MEGF11: variants seen among roughly 807,000 people sequenced by gnomAD.
MEGF11 encodes the protein multiple EGF like domains 11, also known as multiple epidermal growth factor-like domains protein 11.
A neutral mutation model predicts 146.6 loss-of-function variants in MEGF11; 126 were observed. The observed-to-expected ratio is 0.86, with a 90% CI of 0.74 to 1.00. The LOEUF is 1.00. Among genes scored for constraint, MEGF11 ranks in the 50% least tolerant of loss-of-function variants. MEGF11 has a pLI of 0.00. For synonymous variants in MEGF11, 532 were observed against 583.4 expected (o/e 0.91, Z 1.27); for missense variants, 1,509 against 1,521.2 (o/e 0.99, Z 0.13).
chr15:66,006,034 T>C (rs2082509908), intron 5 of MEGF11, among the ~76,000 whole-genome samples: 2 of 152,244 alleles, frequency 1.3e-5, no homozygotes, highest in Non-Finnish European at 2.9e-5. Context: ...CCAGAGGCGC[T>C]GTACGATGTT....
At chr15:65,909,694 T>A (rs994099295) in intron 22 of MEGF11, 46 bp downstream of exon 22, 5 of 1,503,410 alleles carry the variant, frequency 3.3e-6, no homozygotes, top group Non-Finnish European at 4.5e-6. Flanking sequence ...GGAAGAAGAA[T>A]AGGGTGGGAC....
At chr15:66,066,030 T>G (rs2085109577) in intron 5 of MEGF11, among the ~76,000 whole-genome samples, 1 of 152,120 alleles carries the variant, frequency 6.6e-6, no homozygotes, top group South Asian at 2.1e-4. Context: ...TTCATCCATC[T>G]CCCAGTTCAT....
chr15:66,210,786 G>A (rs1459633400), intron 1 of MEGF11, among the ~76,000 whole-genome samples: 1 of 152,190 alleles, frequency 6.6e-6, no homozygotes, highest in Admixed American at 6.5e-5. Flanking sequence ...GGAGCAGGAA[G>A]CACATTAGAA....
intron 1 of MEGF11, among the ~76,000 whole-genome samples, chr15:66,183,240 C>T (rs1239947837): frequency 1.3e-5 from 2 of 152,110 alleles, no homozygotes; most frequent in Admixed American, 1.3e-4. Context: ...GGGCTCACGC[C>T]TGTAATCCCA....
chr15:66,145,600 G>A (rs190314809), intron 1 of MEGF11, among the ~76,000 whole-genome samples: 55 of 152,306 alleles, frequency 3.6e-4, no homozygotes, highest in Non-Finnish European at 5.3e-4. Context: ...GGGCTGGGCC[G>A]AAGCTTGTGG....
intron 7 of MEGF11, among the ~76,000 whole-genome samples, chr15:65,979,420 C>T (rs2081558794): frequency 6.6e-6 from 1 of 152,188 alleles, no homozygotes; most frequent in East Asian, 1.9e-4. Flanking sequence ...TCCCATCTGT[C>T]CCTGTGACCT....
intron 10 of MEGF11, among the ~76,000 whole-genome samples, chr15:65,949,443 C>T (rs190148442): frequency 9.7e-4 from 148 of 152,320 alleles, no homozygotes; most frequent in East Asian, 2.1e-3. Flanking sequence ...CTGCTCCCCT[C>T]GCCAGCATGC....
At position 66,224,607 on chromosome 15, in the gene MEGF11, A is replaced by T. The variant is rs188333122; in HGVS notation, c.-9+28998T>A. Among the ~76,000 whole-genome samples, 1,170 of 140,854 alleles carry T rather than the reference A, an allele frequency of 8.3e-3. 18 individuals are homozygous for T. Among genetic ancestry groups the T allele is most frequent in the African/African-American group, 0.029 (1,119 of 39,052 alleles). The allele number at this position is 140,854 out of a possible 152,430, so 92.4% of individuals were successfully genotyped here. ...TCAAAAATATATATATATTTATTAT[A>T]TATATTTAATATATATTATATATTA... On this transcript the variant is annotated intron_variant, in intron 1 of 25. Coordinates refer to ENST00000395614, the MANE Select transcript of MEGF11 (RefSeq NM_001385028.1).
At chr15:66,036,749 C>A (rs771685494) in intron 5 of MEGF11, among the ~76,000 whole-genome samples, 6 of 152,224 alleles carry the variant, frequency 3.9e-5, no homozygotes, top group Non-Finnish European at 8.8e-5. Context: ...GAGCCTTAAA[C>A]ATAAGCTGAA....
intron 19 of MEGF11, 63 bp from the exon 20 acceptor site, chr15:65,914,036 C>CT: frequency 7.3e-7 from 1 of 1,370,784 alleles, no homozygotes; most frequent in Non-Finnish European, 1.0e-6. Flanking sequence ...TCTCCTGGGC[C>CT]TGGGTTCAGA....
chr15:65,980,981 T>C (rs2081618296), intron 6 of MEGF11, 83 bp from the exon 7 acceptor site: 6 of 1,447,666 alleles, frequency 4.1e-6, no homozygotes, highest in Non-Finnish European at 5.5e-6. Context: ...TCCCTAGGAA[T>C]TCCTCCGCAG....
chr15:65,909,192 G>GCCCT, intron 22 of MEGF11, 57 bp from the exon 23 acceptor site: 1 of 1,251,380 alleles, frequency 8.0e-7, no homozygotes, highest in Non-Finnish European at 1.1e-6. Flanking sequence ...GTATAGCAGG[G>GCCCT]GAAGGGGGTA....
intron 1 of MEGF11, among the ~76,000 whole-genome samples, chr15:66,160,085 A>G (rs1424407861): frequency 6.6e-6 from 1 of 152,210 alleles, no homozygotes; most frequent in Non-Finnish European, 1.5e-5. Context: ...CCCAGGAGCC[A>G]GCACCAGCCC....
Position 66,141,279 on chromosome 15 carries a change from TGTGTGTGTGTGAGA to T in MEGF11, c.-8-12882_-8-12869del, listed in dbSNP as rs1321916184. 7.6e-3 allele frequency among the ~76,000 whole-genome samples: 900 copies of T among 118,902 alleles called. 21 individuals are homozygous for T. Among genetic ancestry groups the T allele is most frequent in the African/African-American group, 0.024 (826 of 33,860 alleles). The allele number at this position is 118,902 out of a possible 152,430, so 78.0% of individuals were successfully genotyped here. On this transcript the variant is annotated intron_variant, in intron 1 of 25. Coordinates refer to ENST00000395614, the MANE Select transcript of MEGF11 (RefSeq NM_001385028.1). ...GTGTGTGTGTGTGTGTGTGTGTGTG[TGTGTGTGTGTGAGA>T]GAGAGAGAGAGAGAGACAGGGATAG... is the stretch of plus-strand genomic sequence containing the variant.
intron 1 of MEGF11, among the ~76,000 whole-genome samples, chr15:66,239,291 G>A (rs144867964): frequency 9.9e-4 from 151 of 152,230 alleles, no homozygotes; most frequent in African/African-American, 3.5e-3. Context: ...AGGTCTTCTG[G>A]TATCAACCCC....
chr15:66,008,409 GCGCACACACACACACACACACA>G (rs1390021061), intron 5 of MEGF11, among the ~76,000 whole-genome samples: 3 of 46,536 alleles, frequency 6.4e-5, no homozygotes, highest in Non-Finnish European at 9.8e-5. Flanking sequence ...ACACGCGCGC[GCGCACACACACACACACACACA>G]CACACACACA....
At chr15:66,080,669 T>C (rs950797480) in intron 5 of MEGF11, among the ~76,000 whole-genome samples, 2 of 152,272 alleles carry the variant, frequency 1.3e-5, no homozygotes, top group Non-Finnish European at 1.5e-5. Flanking sequence ...CCAGTGGTCC[T>C]GGCTATTGAA....
chr15:66,192,322 T>G (rs914645174), intron 1 of MEGF11, among the ~76,000 whole-genome samples: 1 of 150,716 alleles, frequency 6.6e-6, no homozygotes, highest in African/African-American at 2.4e-5. Context: ...ACAAAAAAAT[T>G]AGCCAGGTGT....
chr15:66,095,855 GC>G (rs2086526807), intron 4 of MEGF11, among the ~76,000 whole-genome samples: 1 of 152,196 alleles, frequency 6.6e-6, no homozygotes, highest in African/African-American at 2.4e-5. Context: ...CAGTGCTGGA[GC>G]CCCGCTCGCT....
Sources: allele counts gnomAD v4.1 joint callset (sites outside exome capture counted in the v4.1 genomes callset), GRCh38; gene constraint gnomAD v4.1.1; transcripts MANE v1.5; gene names NCBI Gene and HGNC (gene_info 2026-07-23, HGNC 2026-07-21).